The following ITGA11 variants were observed in gnomAD, a reference collection of about 807,000 sequenced individuals.
ITGA11 encodes the protein integrin subunit alpha 11, also known as integrin alpha-11.
Under a neutral mutation model 141.9 loss-of-function variants are expected in ITGA11, and 97 were observed. The observed-to-expected ratio is 0.68, with a 90% confidence interval of 0.58 to 0.81. ITGA11 has a LOEUF of 0.81. Among genes scored for constraint, ITGA11 ranks in the 30% least tolerant of loss-of-function variants. ITGA11 has a pLI of 0.00. For missense variants in ITGA11, 1,387 were observed against 1,559.2 expected (o/e 0.89, Z 1.86); for synonymous variants, 658 against 624.6 (o/e 1.05, Z -0.80).
intron 4 of ITGA11, 144 bp downstream of exon 4, chr15:68,364,563 T>C (rs1397507564): frequency 7.2e-6 from 5 of 693,624 alleles, no homozygotes; most frequent in Non-Finnish European, 7.6e-6. Flanking sequence ...CTTCCTGGAA[T>C]GCACAGGGCC....
chr15:68,330,468 T>C (rs375771152), intron 15 of ITGA11, among the ~76,000 whole-genome samples: 439 of 149,404 alleles, frequency 2.9e-3, no homozygotes, highest in Non-Finnish European at 5.2e-3. Context: ...TCAACATATA[T>C]GAAAAAATAC....
At chr15:68,408,757 T>A (rs1896703809) in intron 1 of ITGA11, among the ~76,000 whole-genome samples, 1 of 152,152 alleles carries the variant, frequency 6.6e-6, no homozygotes. Flanking sequence ...ACAGCCTACC[T>A]GGGTGGAGGT....
chr15:68,333,789 G>A lies in ITGA11; in HGVS notation c.1426-1311C>T, dbSNP rs1296466471. On this transcript the variant is annotated intron_variant, in intron 12 of 29. Transcript: ENST00000315757. The surrounding 1 kb of genome is among the most constrained non-coding windows in gnomAD (Gnocchi z 4.2). ...AGTATCTAAACTCTCTAGCAGGACCGTGCTGGACCAGCCTCCCTCCCCAGC... is the reference window on the plus strand; with the variant it reads ...AGTATCTAAACTCTCTAGCAGGACCATGCTGGACCAGCCTCCCTCCCCAGC... 6.6e-6 allele frequency among the ~76,000 whole-genome samples: 1 copy of A among 152,136 alleles called. No homozygotes were observed. Among genetic ancestry groups the A allele is most frequent in the South Asian group, 2.1e-4 (1 of 4,824 alleles).
At chr15:68,386,483 C>A (rs552781170) in intron 2 of ITGA11, among the ~76,000 whole-genome samples, 1 of 152,126 alleles carries the variant, frequency 6.6e-6, no homozygotes, top group Non-Finnish European at 1.5e-5. Context: ...TGCCCAGGAC[C>A]CTTTGTGACT....
intron 22 of ITGA11, 144 bp downstream of exon 22, chr15:68,315,507 C>A: frequency 1.4e-6 from 1 of 734,152 alleles, no homozygotes; most frequent in South Asian, 1.7e-5. Context: ...CCTCCCCACC[C>A]CACTGCCTCC....
Position 68,335,632 on chromosome 15 carries a change from C to G in ITGA11, c.1425+65G>C. ...GGTCCAGGCATGCCTGTATTTACTG[C>G]CCTCCCATTTGTCTGATCTGCCCCC... On this transcript the variant is annotated intron_variant, in intron 12 of 29. Transcript: ENST00000315757. The surrounding 1 kb of genome is among the most constrained non-coding windows in gnomAD (Gnocchi z 4.9). 6.4e-7 allele frequency: 1 copy of G among 1,554,806 alleles called. No homozygotes were observed. Among genetic ancestry groups the G allele is most frequent in the Non-Finnish European group, 8.8e-7 (1 of 1,137,830 alleles).
chr15:68,347,683 C>T (rs544580865), intron 10 of ITGA11, among the ~76,000 whole-genome samples: 285 of 152,174 alleles, frequency 1.9e-3, no homozygotes, highest in African/African-American at 6.4e-3. Flanking sequence ...GGAAAGAGCA[C>T]GAGACTAATA....
chr15:68,321,430 A>G lies in ITGA11; in HGVS notation c.2396T>C (p.Leu799Pro). The G allele has an allele frequency of 6.3e-7, 1 of 1,586,088 alleles. No individual in the cohort carries two copies. The highest frequency in any genetic ancestry group is 8.6e-7 in the Non-Finnish European group (1 of 1,165,758). ...PDLVLDARSD[L>P]PTAMEYCQRV... ...GGAGCCAACTCACATGGCCGTGGGCAGGTCACTCCGGGCATCCAACACAAG... is the reference window on the plus strand; with the variant it reads ...GGAGCCAACTCACATGGCCGTGGGCGGGTCACTCCGGGCATCCAACACAAG... The change falls in exon 19 of 30, where the codon CTG becomes CCG. Residue 799 changes from leucine to proline, a missense_variant. Physicochemically the swap from Leu to Pro is moderately conservative, Grantham distance 98 (BLOSUM62 -3). Coordinates refer to ENST00000315757, the MANE Select transcript of ITGA11 (RefSeq NM_001004439.2). The surrounding 1 kb of genome is among the most constrained non-coding windows in gnomAD (Gnocchi z 4.9).
chr15:68,430,022 G>C (rs1051518405), intron 1 of ITGA11, among the ~76,000 whole-genome samples: 11 of 152,100 alleles, frequency 7.2e-5, no homozygotes, highest in African/African-American at 2.4e-4. Flanking sequence ...CTCAGTTACA[G>C]GCAGGACCCA....
chr15:68,318,383 CG>C (rs1199036243), intron 20 of ITGA11, among the ~76,000 whole-genome samples: 2 of 152,134 alleles, frequency 1.3e-5, no homozygotes, highest in Non-Finnish European at 2.9e-5. Flanking sequence ...CAGGGGAAGG[CG>C]GATGCTGGTG....
rs1893005139 is a variant in ITGA11, at chr15:68,300,660, C to A, written c.*2399G>T. On this transcript the variant is annotated 3_prime_UTR_variant, in exon 30 of 30. Transcript: ENST00000315757. Reference sequence around the variant, plus strand: ...AGGCTAAGGGCCTTGATACAACTCTCAGTTTGTCCACCTTTTGACCACTTA... The same window carrying A: ...AGGCTAAGGGCCTTGATACAACTCTAAGTTTGTCCACCTTTTGACCACTTA... The A allele has an allele frequency of 6.6e-6, 1 of 152,034 alleles. No homozygotes were observed. Among genetic ancestry groups the A allele is most frequent in the Non-Finnish European group, 1.5e-5 (1 of 67,952 alleles). 9.4% of individuals were successfully genotyped at this position (152,034 alleles called of 1,614,324 possible).
chr15:68,307,786 TGGGG>T lies in ITGA11; in HGVS notation c.3175-94_3175-91del. The T allele has an allele frequency of 8.3e-6, 7 of 847,014 alleles. No individual in the cohort carries two copies. The highest frequency in any genetic ancestry group is 1.3e-5 in the Non-Finnish European group (7 of 519,716). 52.5% of individuals were successfully genotyped at this position (847,014 alleles called of 1,614,324 possible). On this transcript the variant is annotated intron_variant, in intron 26 of 29. Coordinates refer to ENST00000315757, the MANE Select transcript of ITGA11 (RefSeq NM_001004439.2). The surrounding 1 kb of genome is among the most constrained non-coding windows in gnomAD (Gnocchi z 6.1). Reference sequence around the variant, plus strand: ...GCTTGAACGACTGGGGCTCTGCTCCTGGGGGCAGGGGCAGAGGACAGGGGACAAA... The same window carrying T: ...GCTTGAACGACTGGGGCTCTGCTCCTGCAGGGGCAGAGGACAGGGGACAAA...
At chr15:68,359,268 A>T (rs1270293177) in intron 5 of ITGA11, among the ~76,000 whole-genome samples, 1 of 152,184 alleles carries the variant, frequency 6.6e-6, no homozygotes, top group Non-Finnish European at 1.5e-5. Context: ...CTGAGTTAAT[A>T]TGGTACTGAT....
intron 2 of ITGA11, among the ~76,000 whole-genome samples, chr15:68,373,260 G>T (rs960177753): frequency 6.6e-6 from 1 of 152,158 alleles, no homozygotes; most frequent in African/African-American, 2.4e-5. Flanking sequence ...TGAGGTCTAA[G>T]ATGTCCTGGA....
intron 19 of ITGA11, 54 bp from the exon 20 acceptor site, chr15:68,320,446 T>C (rs1371988537): frequency 4.0e-6 from 6 of 1,481,984 alleles, no homozygotes; most frequent in Non-Finnish European, 5.5e-6. Context: ...AAAGCAGGGG[T>C]AGAGAGGAGC....
intron 2 of ITGA11, among the ~76,000 whole-genome samples, chr15:68,400,591 ATATTATATAT>A (rs1222945908): frequency 2.9e-5 from 3 of 104,958 alleles, no homozygotes; most frequent in African/African-American, 1.1e-4. Context: ...TATATTTTAT[ATATTATATAT>A]TATAATATAT....
At chr15:68,424,784 G>T (rs1334580643) in intron 1 of ITGA11, among the ~76,000 whole-genome samples, 1 of 152,358 alleles carries the variant, frequency 6.6e-6, no homozygotes, top group Non-Finnish European at 1.5e-5. Flanking sequence ...TCTCAAGTCT[G>T]CCAAGGTGGA....
intron 12 of ITGA11, 144 bp from the exon 13 acceptor site, chr15:68,332,622 C>T (rs1894213824): frequency 2.3e-6 from 2 of 864,720 alleles, no homozygotes; most frequent in Non-Finnish European, 1.7e-6. Context: ...TTCTCACGCG[C>T]TACCTCTCTC....
At chr15:68,387,759 T>C (rs1896021157) in intron 2 of ITGA11, among the ~76,000 whole-genome samples, 1 of 152,142 alleles carries the variant, frequency 6.6e-6, no homozygotes, top group Non-Finnish European at 1.5e-5. Context: ...TGGCTGCTGC[T>C]TTCCCTCCTA....
Sources: gnomAD v4.1 joint callset for allele counts (sites outside exome capture counted in the v4.1 genomes callset) on GRCh38, gnomAD v4.1.1 for gene constraint, Gnocchi (gnomAD v3.1) non-coding constraint, MANE v1.5 for transcripts, NCBI Gene and HGNC (gene_info 2026-07-23, HGNC 2026-07-21) for gene names.